The following DOCK3 variants were observed in gnomAD, a reference collection of about 807,000 sequenced individuals.
The protein encoded by DOCK3 is dedicator of cytokinesis protein 3.
In DOCK3, 60 loss-of-function variants were observed where a neutral mutation model predicts 265.6. That is an observed-to-expected ratio of 0.23 (90% confidence interval 0.18 to 0.28). DOCK3 has a LOEUF of 0.28. Among genes scored for constraint, DOCK3 ranks in the 10% least tolerant of loss-of-function variants. The pLI is 1.00. For synonymous variants in DOCK3, 881 were observed against 938.0 expected (o/e 0.94, Z 1.11); for missense variants, 1,981 against 2,594.3 (o/e 0.76, Z 5.14).
chr3:50,828,504 A>C (rs1051671737), intron 2 of DOCK3, among the ~76,000 whole-genome samples: 5 of 152,022 alleles, frequency 3.3e-5, no homozygotes, highest in Admixed American at 6.6e-5. Context: ...TCCTGGGTTC[A>C]AGAAATTCTC....
chr3:51,157,235 A>T (rs1241908476), intron 10 of DOCK3, among the ~76,000 whole-genome samples: 1 of 152,138 alleles, frequency 6.6e-6, no homozygotes, highest in Non-Finnish European at 1.5e-5. Context: ...ACCATCTAAA[A>T]GCTTCAGTTT....
At chr3:50,841,356 A>T (rs1033815596) in intron 2 of DOCK3, among the ~76,000 whole-genome samples, 9 of 152,196 alleles carry the variant, frequency 5.9e-5, no homozygotes, top group African/African-American at 2.2e-4. Context: ...AAGTGATACA[A>T]TTTTAGCATT....
chr3:51,019,365 A>T (rs1340215348), intron 5 of DOCK3, among the ~76,000 whole-genome samples: 1 of 151,870 alleles, frequency 6.6e-6, no homozygotes, highest in African/African-American at 2.4e-5. Flanking sequence ...TTCTCACTAT[A>T]CTGCAGTGCC....
intron 1 of DOCK3, among the ~76,000 whole-genome samples, chr3:50,697,647 T>G (rs955685443): frequency 2.0e-5 from 3 of 152,182 alleles, no homozygotes; most frequent in African/African-American, 7.2e-5. Context: ...GGCACAACCT[T>G]AGCCTCTAGA....
chr3:51,362,322 A>T (rs1468269066), intron 48 of DOCK3, among the ~76,000 whole-genome samples: 1 of 152,120 alleles, frequency 6.6e-6, no homozygotes, highest in Non-Finnish European at 1.5e-5. Flanking sequence ...TCACCGTAGT[A>T]TGGCCAGCCC....
rs200745358 is a variant in DOCK3, at chr3:51,228,655, C to T, written c.1648-6C>T. On this transcript the variant is annotated splice_region_variant and splice_polypyrimidine_tract_variant and intron_variant, in intron 17 of 52. Transcript: ENST00000266037. The stretch of plus-strand genomic sequence containing the variant: ...GGGACATTTTTTTCTCCATTTTTGC[C>T]TACAGTGTGATGAGAATAGCACGTT... 1.6e-3 allele frequency: 2,592 copies of T among 1,606,392 alleles called. 6 individuals carry two copies. Among genetic ancestry groups the T allele is most frequent in the Middle Eastern group, 5.4e-3 (32 of 5,932 alleles).
At chr3:50,842,363 A>G (rs2045883154) in intron 3 of DOCK3, among the ~76,000 whole-genome samples, 1 of 152,152 alleles carries the variant, frequency 6.6e-6, no homozygotes, top group Non-Finnish European at 1.5e-5. Flanking sequence ...TTTTGTTTGT[A>G]TAGAAAAATA....
At chr3:50,725,500 A>G (rs1421045869) in intron 1 of DOCK3, among the ~76,000 whole-genome samples, 1 of 152,236 alleles carries the variant, frequency 6.6e-6, no homozygotes, top group Non-Finnish European at 1.5e-5. Context: ...CTACTGATAC[A>G]GTGATTAAAG....
intron 10 of DOCK3, among the ~76,000 whole-genome samples, chr3:51,155,557 T>C (rs2085806416): frequency 6.6e-6 from 1 of 152,152 alleles, no homozygotes; most frequent in South Asian, 2.1e-4. Context: ...TAGCTTACCT[T>C]AGAATAGGGA....
intron 5 of DOCK3, among the ~76,000 whole-genome samples, chr3:50,970,544 T>C (rs962334488): frequency 5.3e-5 from 8 of 152,004 alleles, no homozygotes; most frequent in Non-Finnish European, 8.8e-5. Context: ...GTCTTCAAGC[T>C]CTGAGATTCT....
rs760239689 is a variant in DOCK3, at chr3:51,357,986, C to T, written c.4793C>T (p.Ala1598Val). 3 of 1,613,868 alleles carry T rather than the reference C, an allele frequency of 1.9e-6. No homozygotes were observed. The highest frequency in any genetic ancestry group is 1.7e-5 in the Admixed American group (1 of 60,006). ...GTTCATGTCCTTGGAGTTGGGCTAG[C>T]AGTTCATGAGAAGTTTGTGCACCCA... ...EQVHVLGVGL[A>V]VHEKFVHPEM... is the part of the protein sequence containing the mutation. Residue 1598 changes from alanine to valine, a missense_variant, in exon 46 of 53, where the codon GCA becomes GTA. Around this residue, in one of 4 missense-constraint regions of DOCK3, gnomAD observed 1,357 missense variants for 1,866.8 expected, o/e 0.73. Transcript: ENST00000266037.
At chr3:50,785,861 T>C (rs2042158941) in intron 2 of DOCK3, among the ~76,000 whole-genome samples, 1 of 152,196 alleles carries the variant, frequency 6.6e-6, no homozygotes, top group African/African-American at 2.4e-5. Flanking sequence ...CTCTATCTTT[T>C]GGAATAGTTT....
intron 5 of DOCK3, among the ~76,000 whole-genome samples, chr3:51,061,589 C>T (rs764960999): frequency 6.6e-6 from 1 of 151,896 alleles, no homozygotes; most frequent in Non-Finnish European, 1.5e-5. Context: ...GGAGGGATAG[C>T]ATTTGGAGAT....
rs540034604 is a variant in DOCK3, at chr3:51,258,612, T to C, written c.2185-1544T>C. Among the ~76,000 whole-genome samples the C allele has an allele frequency of 8.5e-4, 130 of 152,250 alleles. 1 individual carries two copies. Among genetic ancestry groups the C allele is most frequent in the Non-Finnish European group, 1.7e-3 (114 of 68,010 alleles). On this transcript the variant is annotated intron_variant, in intron 22 of 52. Coordinates refer to ENST00000266037, the MANE Select transcript of DOCK3 (RefSeq NM_004947.5). ...TCCACCTCCTGGGTTCACGCCATTCTCGTGCCTCAGCCTCCCGAGTACATC... is the reference window on the plus strand; with the variant it reads ...TCCACCTCCTGGGTTCACGCCATTCCCGTGCCTCAGCCTCCCGAGTACATC...
At chr3:51,055,337 G>GTA (rs1308996359) in intron 5 of DOCK3, among the ~76,000 whole-genome samples, 1 of 152,152 alleles carries the variant, frequency 6.6e-6, no homozygotes, top group African/African-American at 2.4e-5. Flanking sequence ...CCTTTCTGCA[G>GTA]AGGCTTGCAT....
At chr3:51,120,348 A>G (rs542513072) in intron 9 of DOCK3, among the ~76,000 whole-genome samples, 81 of 152,114 alleles carry the variant, frequency 5.3e-4, no homozygotes, top group Non-Finnish European at 1.1e-3. Flanking sequence ...GCTTTGTCCT[A>G]GAGGGGCACC....
intron 9 of DOCK3, among the ~76,000 whole-genome samples, chr3:51,101,494 G>T (rs1313765504): frequency 1.3e-5 from 2 of 152,184 alleles, no homozygotes; most frequent in Non-Finnish European, 2.9e-5. Context: ...TAGATAACTT[G>T]TGGTAGAATG....
intron 46 of DOCK3, among the ~76,000 whole-genome samples, chr3:51,358,624 C>T (rs530042734): frequency 2.0e-5 from 3 of 152,262 alleles, no homozygotes; most frequent in African/African-American, 7.2e-5. Context: ...TATCATGTCT[C>T]GTGATCCAAG....
chr3:50,708,927 G>A (rs1448670285), intron 1 of DOCK3, among the ~76,000 whole-genome samples: 1 of 152,210 alleles, frequency 6.6e-6, no homozygotes, highest in East Asian at 1.9e-4. Flanking sequence ...CTTTGTGAAG[G>A]AAGTGAGCCT....
Sources: gnomAD v4.1 joint callset for allele counts (sites outside exome capture counted in the v4.1 genomes callset) on GRCh38, gnomAD v4.1.1 for gene constraint, gnomAD v4.1.1 regional missense constraint, MANE v1.5 for transcripts, NCBI Gene and HGNC (gene_info 2026-07-23, HGNC 2026-07-21) for gene names.